PLD1: variants seen among roughly 807,000 people sequenced by gnomAD.
PLD1 encodes the protein phospholipase D1.
PLD1 carries 112 observed loss-of-function variants against 137.1 expected under a neutral mutation model. That is an observed-to-expected ratio of 0.82 (90% CI 0.70 to 0.96). The LOEUF (loss-of-function observed/expected upper bound fraction) is 0.96. Ranked by LOEUF, PLD1 falls within the 40% of genes least tolerant of loss-of-function variation. The probability of loss-of-function intolerance (pLI) is 0.00; values close to 1 mark genes in which losing one functional copy is unlikely to be tolerated. For missense variants in PLD1, 1,321 were observed against 1,342.0 expected (o/e 0.98, Z 0.24); for synonymous variants, 431 against 454.7 (o/e 0.95, Z 0.66).
intron 9 of PLD1, among the ~76,000 whole-genome samples, chr3:171,710,950 T>C (rs1717167515): frequency 1.4e-5 from 2 of 146,914 alleles, no homozygotes; most frequent in Non-Finnish European, 3.0e-5. Flanking sequence ...CTTGGCTCAC[T>C]GCAACCTCCG....
At chr3:171,746,640 A>G (rs1452508748) in intron 1 of PLD1, among the ~76,000 whole-genome samples, 1 of 152,148 alleles carries the variant, frequency 6.6e-6, no homozygotes, top group African/African-American at 2.4e-5. Context: ...GGGGACTTGG[A>G]GAACCTTTAT....
At chr3:171,784,377 A>C (rs890160548) in intron 1 of PLD1, among the ~76,000 whole-genome samples, 3 of 152,168 alleles carry the variant, frequency 2.0e-5, no homozygotes, top group African/African-American at 7.2e-5. Flanking sequence ...AAGGAAAAAA[A>C]AAAAAAAGAC....
chr3:171,657,818 T>C (rs1251328972), intron 21 of PLD1, among the ~76,000 whole-genome samples: 1 of 152,088 alleles, frequency 6.6e-6, no homozygotes, highest in Non-Finnish European at 1.5e-5. Flanking sequence ...AGTTAGCTTT[T>C]ATCAAAATAA....
intron 11 of PLD1, among the ~76,000 whole-genome samples, chr3:171,702,224 A>G (rs970122942): frequency 6.6e-6 from 1 of 152,134 alleles, no homozygotes; most frequent in African/African-American, 2.4e-5. Context: ...ATGGGCTCAC[A>G]TGTATAAACC....
At chr3:171,686,911 A>G in intron 15 of PLD1, 113 bp from the exon 16 acceptor site, 1 of 559,102 alleles carries the variant, frequency 1.8e-6, no homozygotes, top group Non-Finnish European at 3.2e-6. Flanking sequence ...CAGTCTTAAG[A>G]TTCTGTGCAA....
intron 1 of PLD1, among the ~76,000 whole-genome samples, chr3:171,739,556 T>C (rs1348952700): frequency 6.6e-6 from 1 of 152,218 alleles, no homozygotes; most frequent in Admixed American, 6.5e-5. Context: ...CCCTCCCACT[T>C]CTAATTTATA....
intron 1 of PLD1, among the ~76,000 whole-genome samples, chr3:171,776,567 T>C (rs1722597239): frequency 6.6e-6 from 1 of 152,206 alleles, no homozygotes; most frequent in Non-Finnish European, 1.5e-5. Flanking sequence ...AACAATGGGC[T>C]CTCTGTTCTT....
At position 171,665,529 on chromosome 3, in the gene PLD1, G is replaced by A. The variant is rs192705403; in HGVS notation, c.2230-3359C>T. On this transcript the variant is annotated intron_variant, in intron 19 of 26. Coordinates refer to ENST00000351298, the MANE Select transcript of PLD1 (RefSeq NM_002662.5). ...AGCCTGGCCAACATGGCGAAACCCC[G>A]TCTCTATTAAAAATACAAAAATTAG... 7.2e-4 allele frequency among the ~76,000 whole-genome samples: 109 copies of A among 152,084 alleles called. No homozygotes were observed. The East Asian group carries it at 8.3e-3, about 12-fold the overall frequency.
intron 24 of PLD1, among the ~76,000 whole-genome samples, chr3:171,619,924 A>T (rs1341516910): frequency 2.2e-5 from 3 of 135,492 alleles, no homozygotes; most frequent in African/African-American, 1.0e-4. Context: ...TTTAAAAATT[A>T]AAAAAAAAAG....
At chr3:171,650,776 T>C (rs545145510) in intron 21 of PLD1, among the ~76,000 whole-genome samples, 2 of 152,124 alleles carry the variant, frequency 1.3e-5, no homozygotes, top group Admixed American at 6.5e-5. Context: ...CGGGCGCCTG[T>C]AGTCCCAGCT....
chr3:171,618,081 T>C (rs1733267574), intron 24 of PLD1, among the ~76,000 whole-genome samples: 1 of 152,016 alleles, frequency 6.6e-6, no homozygotes, highest in Non-Finnish European at 1.5e-5. Context: ...GATTTTTTCC[T>C]TGGGAGAAAT....
At chr3:171,719,094 T>C (rs749459072) in intron 8 of PLD1, among the ~76,000 whole-genome samples, 3 of 152,194 alleles carry the variant, frequency 2.0e-5, no homozygotes, top group Non-Finnish European at 4.4e-5. Context: ...GCCAGTCTTC[T>C]TCTTTGGGCT....
chr3:171,775,069 C>G (rs6770990), intron 1 of PLD1, among the ~76,000 whole-genome samples: 74,273 of 151,932 alleles, frequency 0.49, 19,521 homozygotes, highest in Middle Eastern at 0.69. Context: ...AAATTTAAGG[C>G]AAGGCTAAGG....
At chr3:171,630,533 T>C (rs1372631389) in intron 23 of PLD1, among the ~76,000 whole-genome samples, 3 of 135,858 alleles carry the variant, frequency 2.2e-5, no homozygotes, top group Non-Finnish European at 4.6e-5. Flanking sequence ...CAAAGGACTA[T>C]AAATCATGCT....
chr3:171,692,244 T>G, intron 13 of PLD1, 88 bp downstream of exon 13: 1 of 666,168 alleles, frequency 1.5e-6, no homozygotes, highest in Non-Finnish European at 2.7e-6. Context: ...GGGCATTCTA[T>G]AGATTATTAC....
chr3:171,634,198 A>T (rs1734915629), intron 23 of PLD1, among the ~76,000 whole-genome samples: 1 of 152,202 alleles, frequency 6.6e-6, no homozygotes, highest in Non-Finnish European at 1.5e-5. Flanking sequence ...CTTTTCATAA[A>T]CAGGCTTAGC....
chr3:171,732,949 T>G (rs1392411904), intron 6 of PLD1, among the ~76,000 whole-genome samples: 1 of 152,176 alleles, frequency 6.6e-6, no homozygotes, highest in Admixed American at 6.5e-5. Flanking sequence ...GGTTTTTTCT[T>G]TCCTAGCTTT....
intron 21 of PLD1, among the ~76,000 whole-genome samples, chr3:171,651,080 G>A (rs529785962): frequency 2.0e-5 from 3 of 152,184 alleles, no homozygotes; most frequent in Admixed American, 2.0e-4. Flanking sequence ...TCCCTCCTCA[G>A]CATGAAGGAC....
intron 1 of PLD1, among the ~76,000 whole-genome samples, chr3:171,791,181 C>T (rs1723196798): frequency 6.6e-6 from 1 of 152,252 alleles, no homozygotes; most frequent in Admixed American, 6.5e-5. Context: ...TTTCATATGG[C>T]AAGCCTGTGG....
Sources: allele counts gnomAD v4.1 joint callset (sites outside exome capture counted in the v4.1 genomes callset), GRCh38; gene constraint gnomAD v4.1.1; transcripts MANE v1.5; gene names NCBI Gene and HGNC (gene_info 2026-07-23, HGNC 2026-07-21).